Variants in TPD52L1 observed in about 807,000 individuals in gnomAD.
TPD52L1 encodes the protein tumor protein D53.
TPD52L1 carries 18 observed loss-of-function variants against 28.7 expected under a neutral mutation model. The observed-to-expected ratio is 0.63, with a 90% CI of 0.43 to 0.93. The LOEUF is 0.93. TPD52L1 is among the 40% of genes least tolerant of loss of function. The pLI is 0.00. For synonymous variants in TPD52L1, 75 were observed against 88.8 expected, an observed-to-expected ratio of 0.84 and a Z score of 0.88; for missense variants, 203 against 254.8, an observed-to-expected ratio of 0.80 and a Z score of 1.39.
chr6:125,166,259 T>G (rs1790894221), intron 1 of TPD52L1, among the ~76,000 whole-genome samples: 1 of 152,208 alleles, frequency 6.6e-6, no homozygotes, highest in Non-Finnish European at 1.5e-5. Flanking sequence ...TCACTGATTT[T>G]TCTCTCTGCA....
chr6:125,159,937 A>G (rs967113905), intron 1 of TPD52L1, among the ~76,000 whole-genome samples: 5 of 152,132 alleles, frequency 3.3e-5, no homozygotes, highest in African/African-American at 1.2e-4. Flanking sequence ...TAATTGAATC[A>G]TAGGTGCCGG....
At chr6:125,198,952 G>A (rs750544720) in intron 1 of TPD52L1, among the ~76,000 whole-genome samples, 1 of 152,154 alleles carries the variant, frequency 6.6e-6, no homozygotes, top group Admixed American at 6.5e-5. Context: ...TGAGAAATCC[G>A]GCGAAATGGT....
chr6:125,233,167 G>C (rs146665839), intron 3 of TPD52L1, among the ~76,000 whole-genome samples: 1 of 152,110 alleles, frequency 6.6e-6, no homozygotes, highest in Non-Finnish European at 1.5e-5. Context: ...ATGGTAAGTC[G>C]ACAGAGGGCA....
At chr6:125,187,426 G>C (rs1312759500) in intron 1 of TPD52L1, among the ~76,000 whole-genome samples, 1 of 152,156 alleles carries the variant, frequency 6.6e-6, no homozygotes, top group African/African-American at 2.4e-5. Context: ...ATTAGCTTAA[G>C]TAATGATACG....
At chr6:125,217,288 A>G (rs191812385) in intron 1 of TPD52L1, among the ~76,000 whole-genome samples, 31 of 152,274 alleles carry the variant, frequency 2.0e-4, no homozygotes, top group African/African-American at 6.5e-4. Context: ...TTTTATTTCT[A>G]TTATTATTAC....
intron 3 of TPD52L1, among the ~76,000 whole-genome samples, chr6:125,232,084 C>A (rs1304165558): frequency 6.6e-6 from 1 of 152,110 alleles, no homozygotes; most frequent in Non-Finnish European, 1.5e-5. Context: ...GAGGACAACT[C>A]AGTGTAAAAG....
At chr6:125,156,460 T>C (rs1790126932) in intron 1 of TPD52L1, among the ~76,000 whole-genome samples, 1 of 45,932 alleles carries the variant, frequency 2.2e-5, no homozygotes, top group Non-Finnish European at 3.9e-5. Context: ...TGAGACCTTG[T>C]CTCAAAAAAA....
chr6:125,185,441 T>C (rs751882203), intron 1 of TPD52L1, among the ~76,000 whole-genome samples: 3 of 152,128 alleles, frequency 2.0e-5, no homozygotes, highest in Non-Finnish European at 2.9e-5. Flanking sequence ...ACCACATTCT[T>C]TAAGTATTGC....
intron 1 of TPD52L1, among the ~76,000 whole-genome samples, chr6:125,191,037 TTAA>T (rs1190624647): frequency 6.6e-6 from 1 of 152,240 alleles, no homozygotes; most frequent in African/African-American, 2.4e-5. Flanking sequence ...ACTCTACATA[TTAA>T]CTATAGTGAT....
intron 1 of TPD52L1, among the ~76,000 whole-genome samples, chr6:125,186,119 C>T (rs1388252064): frequency 6.6e-6 from 1 of 152,010 alleles, no homozygotes; most frequent in Non-Finnish European, 1.5e-5. Flanking sequence ...GTCTCGAACT[C>T]CTGATCCACC....
intron 1 of TPD52L1, among the ~76,000 whole-genome samples, chr6:125,175,078 C>T (rs562993346): frequency 3.3e-5 from 5 of 152,130 alleles, no homozygotes; most frequent in Admixed American, 1.3e-4. Flanking sequence ...TTTTTCTTCA[C>T]AAACTATGAC....
chr6:125,198,775 C>T (rs1238649684), intron 1 of TPD52L1, among the ~76,000 whole-genome samples: 5 of 152,180 alleles, frequency 3.3e-5, no homozygotes, highest in South Asian at 4.2e-4. Flanking sequence ...ATTTTGGAAA[C>T]GGGCAATGTC....
At chr6:125,173,026 T>G (rs550563449) in intron 1 of TPD52L1, among the ~76,000 whole-genome samples, 16 of 152,210 alleles carry the variant, frequency 1.1e-4, no homozygotes, top group Admixed American at 3.3e-4. Flanking sequence ...AAATAATACA[T>G]TGACTCTGGG....
intron 3 of TPD52L1, among the ~76,000 whole-genome samples, chr6:125,241,927 G>C (rs1214858028): frequency 6.7e-6 from 1 of 150,140 alleles, no homozygotes; most frequent in Non-Finnish European, 1.5e-5. Context: ...TTGTCTATTT[G>C]GGGTCTTTCA....
intron 2 of TPD52L1, among the ~76,000 whole-genome samples, chr6:125,221,276 CTG>C (rs921347476): frequency 6.6e-6 from 1 of 152,216 alleles, no homozygotes; most frequent in Admixed American, 6.5e-5. Flanking sequence ...CTGGGTCTGT[CTG>C]TGGCCACTGA....
chr6:125,173,765 A>AT (rs1027956430), intron 1 of TPD52L1, among the ~76,000 whole-genome samples: 10 of 152,072 alleles, frequency 6.6e-5, no homozygotes, highest in Non-Finnish European at 1.2e-4. Context: ...AGATATTTTC[A>AT]TTTTTTTAAG....
chr6:125,232,062 T>C (rs774459500), intron 3 of TPD52L1, among the ~76,000 whole-genome samples: 1 of 152,120 alleles, frequency 6.6e-6, no homozygotes, highest in Non-Finnish European at 1.5e-5. Context: ...GATAAACAGA[T>C]TTATAGGCTG....
chr6:125,254,935 T>A (rs1460813043), intron 5 of TPD52L1, among the ~76,000 whole-genome samples: 1 of 152,222 alleles, frequency 6.6e-6, no homozygotes, highest in Non-Finnish European at 1.5e-5. Flanking sequence ...GGTTATGTGG[T>A]TAATTGGTTG....
chr6:125,179,294 CAATGGG>C (rs1240684661), intron 1 of TPD52L1, among the ~76,000 whole-genome samples: 1 of 152,240 alleles, frequency 6.6e-6, no homozygotes, highest in African/African-American at 2.4e-5. Flanking sequence ...CTGCAGAACA[CAATGGG>C]TTTACCCAAG....
Sources: gnomAD v4.1 joint callset for allele counts (sites outside exome capture counted in the v4.1 genomes callset) on GRCh38, gnomAD v4.1.1 for gene constraint, MANE v1.5 for transcripts, NCBI Gene and HGNC (gene_info 2026-07-23, HGNC 2026-07-21) for gene names.